NSUN6: variants seen among roughly 807,000 people sequenced by gnomAD.
The protein encoded by NSUN6 is tRNA (cytosine(72)-C(5))-methyltransferase NSUN6.
Under a neutral mutation model 58.0 loss-of-function variants are expected in NSUN6, and 64 were observed. The observed-to-expected ratio is 1.10, with a 90% CI of 0.90 to 1.36. The LOEUF (loss-of-function observed/expected upper bound fraction) is 1.36, where lower values mean the gene tolerates loss of function less well. Among genes scored for constraint, NSUN6 ranks in the 40% most tolerant of loss-of-function variants. The pLI is 0.00. For missense variants in NSUN6, 701 were observed against 550.1 expected, an observed-to-expected ratio of 1.27 and a Z score of -2.74; for synonymous variants, 231 against 193.9, an observed-to-expected ratio of 1.19 and a Z score of -1.59.
chr10:18,643,660 T>G (rs902450400), intron 2 of NSUN6, among the ~76,000 whole-genome samples: 2 of 152,046 alleles, frequency 1.3e-5, no homozygotes, highest in Non-Finnish European at 2.9e-5. Context: ...AAATTCCACC[T>G]CAATCAATCA....
chr10:18,560,751 T>C (rs2055436483), intron 8 of NSUN6, among the ~76,000 whole-genome samples: 1 of 145,270 alleles, frequency 6.9e-6, no homozygotes, highest in African/African-American at 2.6e-5. Context: ...GAGAATGGAA[T>C]GGAATAGAGA....
intron 8 of NSUN6, among the ~76,000 whole-genome samples, chr10:18,557,123 G>A (rs1481111935): frequency 1.3e-5 from 2 of 151,270 alleles, no homozygotes; most frequent in Admixed American, 6.6e-5. Flanking sequence ...GGAATGGAAA[G>A]TAGAGAATGG....
At chr10:18,627,670 G>A (rs1269322778) in intron 3 of NSUN6, among the ~76,000 whole-genome samples, 2 of 152,138 alleles carry the variant, frequency 1.3e-5, no homozygotes, top group African/African-American at 4.8e-5. Flanking sequence ...TGGAAAATTG[G>A]GTCACTCCCA....
intron 1 of NSUN6, among the ~76,000 whole-genome samples, chr10:18,650,059 T>C (rs772998362): frequency 9.8e-5 from 15 of 152,296 alleles, no homozygotes; most frequent in South Asian, 2.1e-4. Flanking sequence ...AGAGGCAACA[T>C]GGTAAAGTGG....
intron 1 of NSUN6, among the ~76,000 whole-genome samples, chr10:18,649,145 C>T (rs1196669536): frequency 1.3e-5 from 2 of 151,876 alleles, no homozygotes; most frequent in Non-Finnish European, 2.9e-5. Flanking sequence ...ATAAAGATTC[C>T]CCTAGGACAT....
At chr10:18,625,863 G>A (rs1196127294) in intron 3 of NSUN6, among the ~76,000 whole-genome samples, 1 of 151,824 alleles carries the variant, frequency 6.6e-6, no homozygotes, top group Non-Finnish European at 1.5e-5. Context: ...ACTGTTAAAA[G>A]GAAAAGTTTT....
At chr10:18,585,009 A>AG (rs1491123669) in intron 8 of NSUN6, among the ~76,000 whole-genome samples, 4 of 149,804 alleles carry the variant, frequency 2.7e-5, no homozygotes, top group Middle Eastern at 3.4e-3. Context: ...AAAAAAAAAA[A>AG]AGAGAGAGAA....
intron 3 of NSUN6, among the ~76,000 whole-genome samples, chr10:18,635,786 C>G (rs541342973): frequency 2.7e-5 from 4 of 150,876 alleles, no homozygotes; most frequent in South Asian, 2.1e-4. Context: ...TGCAGTGAGC[C>G]GAGATCCTGC....
intron 8 of NSUN6, among the ~76,000 whole-genome samples, chr10:18,554,922 T>C (rs1044022009): frequency 7.1e-6 from 1 of 140,430 alleles, no homozygotes; most frequent in African/African-American, 2.7e-5. Flanking sequence ...AGAAACGGAA[T>C]GGAATCAAGA....
intron 3 of NSUN6, among the ~76,000 whole-genome samples, chr10:18,622,049 CACACACACACAG>C (rs2058626470): frequency 6.8e-6 from 1 of 146,902 alleles, no homozygotes; most frequent in Non-Finnish European, 1.6e-5. Flanking sequence ...CACACACACA[CACACACACACAG>C]ACACACACAC....
chr10:18,556,691 TGGAATGGAAAGGGGAAG>T (rs1368475207), intron 8 of NSUN6, among the ~76,000 whole-genome samples: 1 of 145,612 alleles, frequency 6.9e-6, no homozygotes, highest in Admixed American at 6.9e-5. Context: ...GAAATGCGAA[TGGAATGGAAAGGGGAAG>T]GGAATGGAAT....
In NSUN6 at chr10:18,611,632, T is replaced by C. The variant is rs141631382; in HGVS notation, c.576-1706A>G. ...GCAGCCTCTAACTACTGGGTTCAAGTGATCCTCCCAACTTAGCCTCCCCAG... is the reference window on the plus strand; with the variant it reads ...GCAGCCTCTAACTACTGGGTTCAAGCGATCCTCCCAACTTAGCCTCCCCAG... On this transcript the variant is annotated intron_variant, in intron 5 of 10. Coordinates refer to ENST00000377304, the MANE Select transcript of NSUN6 (RefSeq NM_182543.5). 2.7e-3 allele frequency among the ~76,000 whole-genome samples: 414 copies of C among 152,200 alleles called. 1 individual carries two copies. Among genetic ancestry groups the C allele is most frequent in the African/African-American group, 8.8e-3 (367 of 41,530 alleles).
intron 3 of NSUN6, among the ~76,000 whole-genome samples, chr10:18,625,543 T>C (rs1028901185): frequency 4.0e-5 from 6 of 151,374 alleles, no homozygotes; most frequent in South Asian, 2.1e-4. Context: ...TAAAACTCCG[T>C]CTCTACTAAA....
rs2054216819 is a variant in NSUN6 at position 18,545,838 on chromosome 10, ATCAT to A, written c.*91_*94del. ...TTTCTGTTTCCATAGCAACCACATCATCATTCAGTTGGCCTGACAACACTTTGGT... is the reference window on the plus strand; with the variant it reads ...TTTCTGTTTCCATAGCAACCACATCATCAGTTGGCCTGACAACACTTTGGT... On this transcript the variant is annotated 3_prime_UTR_variant, in exon 11 of 11. Transcript: ENST00000377304. 9 of 741,468 alleles carry A rather than the reference ATCAT, an allele frequency of 1.2e-5. No homozygotes were observed. In the Admixed American group the frequency reaches 2.1e-4, roughly 17 times the overall value. The allele number at this position is 741,468 out of a possible 1,614,324, so 45.9% of individuals were successfully genotyped here. A position where few individuals can be genotyped will look rare whatever the true frequency, so the allele number is the denominator to read the frequency against.
At chr10:18,557,942 TGGAAG>T (rs2055171003) in intron 8 of NSUN6, among the ~76,000 whole-genome samples, 1 of 147,856 alleles carries the variant, frequency 6.8e-6, no homozygotes, top group African/African-American at 2.5e-5. Flanking sequence ...AAATGGAGAA[TGGAAG>T]GTAATCAAGA....
chr10:18,607,860 C>T (rs1476646348), intron 6 of NSUN6, among the ~76,000 whole-genome samples: 1 of 152,246 alleles, frequency 6.6e-6, no homozygotes, highest in Non-Finnish European at 1.5e-5. Flanking sequence ...ATACCTACTA[C>T]AGGCTATGCA....
At chr10:18,564,167 T>G (rs527352134) in intron 8 of NSUN6, among the ~76,000 whole-genome samples, 18 of 151,248 alleles carry the variant, frequency 1.2e-4, no homozygotes, top group Admixed American at 3.3e-4. Context: ...GTCCATTCCA[T>G]TTTCCATTCC....
chr10:18,630,256 T>C (rs1268212015), intron 3 of NSUN6, among the ~76,000 whole-genome samples: 1 of 148,414 alleles, frequency 6.7e-6, no homozygotes, highest in Admixed American at 6.8e-5. Context: ...TTCAAAGCAG[T>C]ATGTAGAGGG....
At chr10:18,624,659 A>T (rs982815175) in intron 3 of NSUN6, among the ~76,000 whole-genome samples, 1 of 151,332 alleles carries the variant, frequency 6.6e-6, no homozygotes, top group Admixed American at 6.6e-5. Context: ...AAAAAAAAAA[A>T]AAAAAGAACG....
Sources: allele counts gnomAD v4.1 joint callset (sites outside exome capture counted in the v4.1 genomes callset), GRCh38; gene constraint gnomAD v4.1.1; transcripts MANE v1.5; gene names NCBI Gene and HGNC (gene_info 2026-07-23, HGNC 2026-07-21).